TMEM127: variants seen among roughly 807,000 people sequenced by gnomAD.
TMEM127 encodes the protein transmembrane protein 127.
A neutral mutation model predicts 20.1 loss-of-function variants in TMEM127; 21 were observed. The ratio of observed to expected loss-of-function variants is 1.04; its 90% CI spans 0.74 to 1.50. The LOEUF (loss-of-function observed/expected upper bound fraction) is 1.50, where lower values mean the gene tolerates loss of function less well. Ranked by LOEUF, TMEM127 falls within the 40% of genes most tolerant of loss-of-function variation. The pLI is 0.00. For missense variants in TMEM127, 303 were observed against 317.4 expected (o/e 0.95, Z 0.34); for synonymous variants, 150 against 144.7 (o/e 1.04, Z -0.26).
At chr2:96,264,339 A>G (rs1157016617) in intron 2 of TMEM127, among the ~76,000 whole-genome samples, 2 of 152,208 alleles carry the variant, frequency 1.3e-5, no homozygotes, top group Admixed American at 6.5e-5. Context: ...TAGCACAGAG[A>G]GGATATAAGA....
At chr2:96,256,802 G>A (rs562621847) in intron 2 of TMEM127, among the ~76,000 whole-genome samples, 1 of 152,084 alleles carries the variant, frequency 6.6e-6, no homozygotes, top group East Asian at 1.9e-4. Flanking sequence ...CTTTTAAAAG[G>A]CAACCCACAC....
chr2:96,250,392 T>C lies in TMEM127; in HGVS notation c.*3416A>G. The stretch of plus-strand genomic sequence containing the variant: ...ATCACTCAGGTCAGAACTGGCTCCC[T>C]TCTGGGCACAGGACTTTTCCGAGCC... On this transcript the variant is annotated 3_prime_UTR_variant, in exon 4 of 4. Coordinates refer to ENST00000258439, the MANE Select transcript of TMEM127 (RefSeq NM_017849.4). 4.3e-6 allele frequency: 1 copy of C among 232,858 alleles called. No homozygotes were observed. Among genetic ancestry groups the C allele is most frequent in the East Asian group, 6.1e-5 (1 of 16,508 alleles). The allele number at this position is 232,858 out of a possible 1,614,324, so 14.4% of individuals were successfully genotyped here.
In TMEM127 at chr2:96,254,852, G is replaced by A. The variant is rs1684168698; in HGVS notation, c.390C>T (p.Ala130=). 4 of 1,614,156 alleles carry A rather than the reference G, an allele frequency of 2.5e-6. No homozygotes were observed. The highest frequency in any genetic ancestry group is 3.4e-6 in the Non-Finnish European group (4 of 1,180,012). The part of the protein sequence containing the change: ...HPALKITRRY[A]FAHILTVLQC... ...GCTTACCCGTTAGGATATGGGCGAA[G>A]GCATAGCGACGAGTGATCTTCAGAG... Residue 130 remains alanine, a synonymous_variant, in exon 3 of 4, where the codon GCC becomes GCT. Transcript: ENST00000258439.
chr2:96,255,104 G>A, intron 2 of TMEM127, 107 bp from the exon 3 acceptor site: 1 of 1,494,914 alleles, frequency 6.7e-7, no homozygotes. Flanking sequence ...GGGAGCCAGG[G>A]CAGTTCTGGA....
intron 2 of TMEM127, among the ~76,000 whole-genome samples, chr2:96,259,164 G>T (rs1174538502): frequency 6.6e-6 from 1 of 152,234 alleles, no homozygotes; most frequent in Non-Finnish European, 1.5e-5. Context: ...GGCAAATATT[G>T]TTGGAGGGGC....
In TMEM127 at chr2:96,254,119, G is replaced by A. The variant is rs1412595514; in HGVS notation, c.410-4C>T. 4 of 1,613,412 alleles carry A rather than the reference G, an allele frequency of 2.5e-6. No homozygotes were observed. The highest frequency in any genetic ancestry group is 2.5e-6 in the Non-Finnish European group (3 of 1,180,026). On this transcript the variant is annotated splice_polypyrimidine_tract_variant and splice_region_variant and intron_variant, in intron 3 of 3. Transcript: ENST00000258439. Reference sequence around the variant, plus strand: ...ATGACGGTGGCACACTGCAGAACTAGGAGACAGAGGGACAGCACAGAAGGG... The same window carrying A: ...ATGACGGTGGCACACTGCAGAACTAAGAGACAGAGGGACAGCACAGAAGGG...
chr2:96,252,111 C>T lies in TMEM127; in HGVS notation c.*1697G>A. 4.3e-6 allele frequency: 1 copy of T among 233,366 alleles called. No homozygotes were observed. Among genetic ancestry groups the T allele is most frequent in the Non-Finnish European group, 8.5e-6 (1 of 118,058 alleles). 14.5% of individuals were successfully genotyped at this position (233,366 alleles called of 1,614,324 possible). ...AGAGTCACCTTTGAACACACTCTGG[C>T]ATCACAGCAGTGAACTGCAAGCAGC... On this transcript the variant is annotated 3_prime_UTR_variant, in exon 4 of 4. Transcript: ENST00000258439. This position sits in a 1 kb window ranked among gnomAD's most constrained non-coding sequence, Gnocchi z 4.2.
chr2:96,257,200 G>A (rs1411711742), intron 2 of TMEM127, among the ~76,000 whole-genome samples: 4 of 152,158 alleles, frequency 2.6e-5, no homozygotes, highest in Admixed American at 6.5e-5. Flanking sequence ...AGTGGCTCAC[G>A]CCTATAATCC....
rs201752809 is a variant in TMEM127 at position 96,255,042 on chromosome 2, G to C, written c.245-45C>G. On this transcript the variant is annotated intron_variant, in intron 2 of 3. Coordinates refer to ENST00000258439, the MANE Select transcript of TMEM127 (RefSeq NM_017849.4). The stretch of plus-strand genomic sequence containing the variant: ...TTTTCACGGCCCCAAGTAACACTTG[G>C]TGCAGGAAGTCCCCACCTAGAAGGA... 9.9e-5 allele frequency: 159 copies of C among 1,612,164 alleles called. No individual in the cohort carries two copies. In the East Asian group the frequency reaches 1.4e-3, roughly 14 times the overall value.
intron 2 of TMEM127, among the ~76,000 whole-genome samples, chr2:96,260,901 T>C (rs779920064): frequency 2.6e-5 from 4 of 152,216 alleles, no homozygotes; most frequent in Non-Finnish European, 4.4e-5. Flanking sequence ...AGCCCTCTAG[T>C]GCCCAGCCAG....
Position 96,253,769 on chromosome 2 carries a change from G to A in TMEM127, c.*39C>T, listed in dbSNP as rs1333461805. The A allele has an allele frequency of 1.3e-6, 2 of 1,583,798 alleles. No individual in the cohort carries two copies. The highest frequency in any genetic ancestry group is 1.7e-5 in the Admixed American group (1 of 58,482). Reference sequence around the variant, plus strand: ...TGGGTGCGAGAGGAGCTGCAGAGTTGAGGGAGGGGCTGCCGAGGAAGAGAG... The same window carrying A: ...TGGGTGCGAGAGGAGCTGCAGAGTTAAGGGAGGGGCTGCCGAGGAAGAGAG... On this transcript the variant is annotated 3_prime_UTR_variant, in exon 4 of 4. Coordinates refer to ENST00000258439, the MANE Select transcript of TMEM127 (RefSeq NM_017849.4). The surrounding 1 kb of genome is among the most constrained non-coding windows in gnomAD (Gnocchi z 4.3).
Position 96,256,426 on chromosome 2 carries a change from C to T in TMEM127, c.245-1429G>A, listed in dbSNP as rs1166636004. On this transcript the variant is annotated intron_variant, in intron 2 of 3. Transcript: ENST00000258439. ...GTCTCTACTAAAAATACAAAATTAG[C>T]CGGGCGTGGTGGTGCATGCCTGTGA... 3.3e-5 allele frequency among the ~76,000 whole-genome samples: 5 copies of T among 151,614 alleles called. No individual in the cohort carries two copies. In the East Asian group the frequency reaches 7.7e-4, roughly 23 times the overall value.
At chr2:96,258,623 C>G in intron 2 of TMEM127, among the ~76,000 whole-genome samples, 1 of 152,220 alleles carries the variant, frequency 6.6e-6, no homozygotes, top group Non-Finnish European at 1.5e-5. Context: ...GAAAGCCTGC[C>G]TGTGTGTGAA....
In TMEM127 at chr2:96,251,022, G is replaced by A. The variant is rs917166446; in HGVS notation, c.*2786C>T. 4 of 223,104 alleles carry A rather than the reference G, an allele frequency of 1.8e-5. No homozygotes were observed. Among genetic ancestry groups the A allele is most frequent in the African/African-American group, 6.7e-5 (3 of 44,790 alleles). 13.8% of individuals were successfully genotyped at this position (223,104 alleles called of 1,614,324 possible). A position where few individuals can be genotyped will look rare whatever the true frequency, so the allele number is the denominator to read the frequency against. On this transcript the variant is annotated 3_prime_UTR_variant, in exon 4 of 4. Transcript: ENST00000258439. ...AGGATGGCTAGAGTTTAGGAGCCAC[G>A]TTCTCCTCTATAGCTCACCAGAGGA...
chr2:96,259,565 C>T (rs907418929), intron 2 of TMEM127, among the ~76,000 whole-genome samples: 3 of 152,192 alleles, frequency 2.0e-5, no homozygotes, highest in Non-Finnish European at 2.9e-5. Flanking sequence ...ATTAAGTCCT[C>T]ACATGGGGAA....
chr2:96,263,560 G>C (rs1021847955), intron 2 of TMEM127, among the ~76,000 whole-genome samples: 1 of 152,060 alleles, frequency 6.6e-6, no homozygotes, highest in Non-Finnish European at 1.5e-5. Context: ...ACATGCCTTC[G>C]ACAAGGATGC....
At position 96,251,238 on chromosome 2, in the gene TMEM127, C is replaced by T; in HGVS notation, c.*2570G>A. On this transcript the variant is annotated 3_prime_UTR_variant, in exon 4 of 4. Transcript: ENST00000258439. Reference sequence around the variant, plus strand: ...TAACTATTTTAAATTACATCTTTGGCCAGGCACGGTGGTTCATGCCTATAA... The same window carrying T: ...TAACTATTTTAAATTACATCTTTGGTCAGGCACGGTGGTTCATGCCTATAA... 4.7e-6 allele frequency: 1 copy of T among 210,750 alleles called. No homozygotes were observed. The highest frequency in any genetic ancestry group is 9.6e-6 in the Non-Finnish European group (1 of 103,800). 13.1% of individuals were successfully genotyped at this position (210,750 alleles called of 1,614,324 possible).
intron 2 of TMEM127, among the ~76,000 whole-genome samples, chr2:96,257,716 C>A (rs534263235): frequency 6.6e-6 from 1 of 152,078 alleles, no homozygotes; most frequent in Admixed American, 6.6e-5. Flanking sequence ...CAGTTTGAGA[C>A]CAGCCTGACC....
chr2:96,254,781 GC>G (rs1008901263), intron 3 of TMEM127, 51 bp downstream of exon 3: 3 of 1,611,070 alleles, frequency 1.9e-6, no homozygotes, highest in African/African-American at 2.7e-5. Context: ...CAGACAGGAT[GC>G]CCCCACCCTG....
Sources: allele counts gnomAD v4.1 joint callset (sites outside exome capture counted in the v4.1 genomes callset), GRCh38; gene constraint gnomAD v4.1.1; non-coding constraint Gnocchi (gnomAD v3.1); transcripts MANE v1.5; gene names NCBI Gene and HGNC (gene_info 2026-07-23, HGNC 2026-07-21).